IL1RAPL1: variants seen among roughly 807,000 people sequenced by gnomAD.
IL1RAPL1 encodes the protein interleukin-1 receptor accessory protein-like 1.
In IL1RAPL1, 3 loss-of-function variants were observed where a neutral mutation model predicts 48.4. The observed-to-expected ratio is 0.06, with a 90% CI of 0.03 to 0.16. The LOEUF (loss-of-function observed/expected upper bound fraction) is 0.16. Among genes scored for constraint, IL1RAPL1 ranks in the 10% least tolerant of loss-of-function variants. The probability of loss-of-function intolerance (pLI) is 1.00; values close to 1 mark genes in which losing one functional copy is unlikely to be tolerated. For missense variants in IL1RAPL1, 349 were observed against 530.6 expected (o/e 0.66, Z 3.36); for synonymous variants, 185 against 187.7 (o/e 0.99, Z 0.12).
intron 9 of IL1RAPL1, among the ~76,000 whole-genome samples, chrX:29,944,223 G>C (rs1013381503): frequency 1.8e-5 from 2 of 111,641 alleles, no homozygotes; most frequent in African/African-American, 6.5e-5. Context: ...AGCAAAGACT[G>C]TCAAGGCAGT....
At chrX:29,611,661 C>G (rs772828161) in intron 5 of IL1RAPL1, among the ~76,000 whole-genome samples, 15 of 111,585 alleles carry the variant, frequency 1.3e-4, no homozygotes, top group Non-Finnish European at 2.4e-4. Flanking sequence ...GTTAAACTGG[C>G]TCAGTGGAGA....
At chrX:28,938,437 A>G (rs1194155126) in intron 2 of IL1RAPL1, among the ~76,000 whole-genome samples, 1 of 101,388 alleles carries the variant, frequency 9.9e-6, no homozygotes, top group Non-Finnish European at 2.0e-5. Context: ...CCAGTTATTC[A>G]ATAAACGGTG....
At chrX:29,795,766 T>C (rs1200520195) in intron 6 of IL1RAPL1, among the ~76,000 whole-genome samples, 3 of 112,801 alleles carry the variant, frequency 2.7e-5, no homozygotes, top group African/African-American at 9.7e-5. Flanking sequence ...TTAAGAAATG[T>C]GTTGGTTGTT....
At chrX:29,414,732 C>G (rs1425600757) in intron 5 of IL1RAPL1, among the ~76,000 whole-genome samples, 2 of 111,609 alleles carry the variant, frequency 1.8e-5, no homozygotes, top group Non-Finnish European at 3.8e-5. Context: ...CATCTTTTCT[C>G]TACTTCATGT....
chrX:29,551,881 C>A (rs1375312291), intron 5 of IL1RAPL1, among the ~76,000 whole-genome samples: 1 of 109,187 alleles, frequency 9.2e-6, no homozygotes, highest in African/African-American at 3.3e-5. Flanking sequence ...CCTGGACCCA[C>A]CAAAGAAGAA....
At chrX:28,992,489 C>CAAAAAAAAAAAAAAAAAAA (rs1246127181) in intron 2 of IL1RAPL1, among the ~76,000 whole-genome samples, 1 of 16,517 alleles carries the variant, frequency 6.1e-5, no homozygotes, top group Non-Finnish European at 1.2e-4. Context: ...GACTCTGTCT[C>CAAAAAAAAAAAAAAAAAAA]AAAAAAAAAA....
chrX:29,789,103 C>T (rs183899369), intron 6 of IL1RAPL1, among the ~76,000 whole-genome samples: 121 of 111,887 alleles, frequency 1.1e-3, no homozygotes, highest in African/African-American at 2.9e-3. Context: ...GAAATAAATG[C>T]GCATTGTTCG....
At chrX:28,918,646 A>G (rs972945495) in intron 2 of IL1RAPL1, among the ~76,000 whole-genome samples, 1 of 112,113 alleles carries the variant, frequency 8.9e-6, no homozygotes, top group Admixed American at 9.5e-5. Context: ...GAAGTGATTA[A>G]TCTTATGGAT....
intron 3 of IL1RAPL1, among the ~76,000 whole-genome samples, chrX:29,349,652 TTCTGAGTTG>T (rs1933196671): frequency 9.0e-6 from 1 of 111,552 alleles, no homozygotes; most frequent in Non-Finnish European, 1.9e-5. Context: ...TTCTTCTTTA[TTCTGAGTTG>T]TCTAAAGTTC....
At chrX:29,632,617 C>T (rs1338981594) in intron 5 of IL1RAPL1, among the ~76,000 whole-genome samples, 1 of 111,849 alleles carries the variant, frequency 8.9e-6, no homozygotes, top group Admixed American at 9.5e-5. Flanking sequence ...TCTGAAATAG[C>T]ATTCTTAATC....
chrX:28,781,557 C>T (rs1936423764), intron 1 of IL1RAPL1, among the ~76,000 whole-genome samples: 2 of 110,765 alleles, frequency 1.8e-5, no homozygotes, highest in South Asian at 7.5e-4. Flanking sequence ...TTAAAGGCAC[C>T]TGATTAGTGG....
intron 6 of IL1RAPL1, among the ~76,000 whole-genome samples, chrX:29,679,098 G>A (rs1248774290): frequency 9.0e-6 from 1 of 111,091 alleles, no homozygotes; most frequent in Non-Finnish European, 1.9e-5. Flanking sequence ...AGAATGCATT[G>A]CTTTTCTGGA....
At chrX:29,015,230 G>T (rs1926213137) in intron 2 of IL1RAPL1, among the ~76,000 whole-genome samples, 1 of 110,436 alleles carries the variant, frequency 9.1e-6, no homozygotes, top group Admixed American at 9.7e-5. Flanking sequence ...AGTACATATT[G>T]GTCATCCAAT....
intron 2 of IL1RAPL1, among the ~76,000 whole-genome samples, chrX:29,000,849 A>T (rs1212566553): frequency 9.2e-6 from 1 of 108,879 alleles, no homozygotes; most frequent in Non-Finnish European, 1.9e-5. Context: ...TTTTTTTCCA[A>T]AAAGGAGACT....
At chrX:28,975,448 C>G (rs1182322203) in intron 2 of IL1RAPL1, among the ~76,000 whole-genome samples, 5 of 112,114 alleles carry the variant, frequency 4.5e-5, no homozygotes, top group Non-Finnish European at 9.4e-5. Context: ...AGTACAAAAC[C>G]TGGTACAAAT....
At chrX:29,886,895 TTTATAC>T (rs1485088449) in intron 6 of IL1RAPL1, among the ~76,000 whole-genome samples, 1 of 111,964 alleles carries the variant, frequency 8.9e-6, no homozygotes, top group African/African-American at 3.2e-5. Context: ...TAAAGCTGTT[TTTATAC>T]CCTTGTTTTG....
intron 2 of IL1RAPL1, among the ~76,000 whole-genome samples, chrX:29,037,379 T>C (rs185098310): frequency 8.9e-6 from 1 of 111,840 alleles, no homozygotes; most frequent in East Asian, 2.8e-4. Context: ...AGTTCCTAGA[T>C]AGGGAGGAGC....
chrX:28,685,018 C>A (rs1935096541), intron 1 of IL1RAPL1, among the ~76,000 whole-genome samples: 1 of 111,603 alleles, frequency 9.0e-6, no homozygotes, highest in Admixed American at 9.5e-5. Context: ...GAGCTTTTAA[C>A]TTTGGGAGAC....
chrX:29,368,736 ATGTGTGTGTGTG>A (rs376272672), intron 3 of IL1RAPL1, among the ~76,000 whole-genome samples: 1 of 103,693 alleles, frequency 9.6e-6, no homozygotes, highest in Non-Finnish European at 2.0e-5. Flanking sequence ...GCCTCTGTGT[ATGTGTGTGTGTG>A]TGTGTGTGTG....
Sources: allele counts gnomAD v4.1 joint callset (sites outside exome capture counted in the v4.1 genomes callset), GRCh38; gene constraint gnomAD v4.1.1; transcripts MANE v1.5; gene names NCBI Gene and HGNC (gene_info 2026-07-23, HGNC 2026-07-21).